TSHZ2: variants seen among roughly 807,000 people sequenced by gnomAD.
TSHZ2 encodes the protein teashirt homolog 2.
Under a neutral mutation model 74.4 loss-of-function variants are expected in TSHZ2, and 21 were observed. The ratio of observed to expected loss-of-function variants is 0.28; its 90% confidence interval spans 0.20 to 0.41. The LOEUF (loss-of-function observed/expected upper bound fraction) is 0.41, where lower values mean the gene tolerates loss of function less well. Among genes scored for constraint, TSHZ2 ranks in the 10% least tolerant of loss-of-function variants. The probability of loss-of-function intolerance (pLI) is 1.00; values close to 1 mark genes in which losing one functional copy is unlikely to be tolerated. For missense variants in TSHZ2, 1,244 were observed against 1,293.5 expected, an observed-to-expected ratio of 0.96 and a Z score of 0.59; for synonymous variants, 540 against 515.3, an observed-to-expected ratio of 1.05 and a Z score of -0.65.
chr20:53,053,141 C>T (rs1168663811), intron 1 of TSHZ2, among the ~76,000 whole-genome samples: 3 of 152,166 alleles, frequency 2.0e-5, no homozygotes, highest in Non-Finnish European at 4.4e-5. Flanking sequence ...CGGAGTTCTA[C>T]GCTATGTGAT....
At chr20:53,231,688 C>T (rs62208279) in intron 1 of TSHZ2, among the ~76,000 whole-genome samples, 2,777 of 152,218 alleles carry the variant, frequency 0.018, 34 homozygotes, top group Middle Eastern at 0.031. Context: ...TAAGAAATCA[C>T]CCAACCCACA....
At chr20:53,467,210 T>C (rs2145827049) in intron 2 of TSHZ2, among the ~76,000 whole-genome samples, 1 of 152,358 alleles carries the variant, frequency 6.6e-6, no homozygotes, top group East Asian at 1.9e-4. Flanking sequence ...TTTTCTCCTT[T>C]TTTATAAAAA....
At chr20:53,413,473 C>G (rs1308799666) in intron 2 of TSHZ2, among the ~76,000 whole-genome samples, 1 of 152,210 alleles carries the variant, frequency 6.6e-6, no homozygotes, top group Non-Finnish European at 1.5e-5. Flanking sequence ...AATCTTAGTT[C>G]TACCACTTGC....
intron 1 of TSHZ2, among the ~76,000 whole-genome samples, chr20:53,048,101 C>G (rs551801265): frequency 2.6e-4 from 40 of 152,148 alleles, no homozygotes; most frequent in Non-Finnish European, 4.4e-5. Context: ...CCTTCCTCTC[C>G]GCTCAACATT....
intron 1 of TSHZ2, among the ~76,000 whole-genome samples, chr20:53,156,398 G>GC (rs1987795788): frequency 6.6e-6 from 1 of 152,134 alleles, no homozygotes; most frequent in Non-Finnish European, 1.5e-5. Context: ...GGTCACATGG[G>GC]CACTTGGGTT....
At chr20:53,148,975 C>T (rs1450191051) in intron 1 of TSHZ2, among the ~76,000 whole-genome samples, 2 of 152,142 alleles carry the variant, frequency 1.3e-5, no homozygotes, top group African/African-American at 4.8e-5. Flanking sequence ...TGGCTAATAT[C>T]CAGAGCACTG....
intron 1 of TSHZ2, among the ~76,000 whole-genome samples, chr20:53,167,071 C>A (rs907211032): frequency 1.3e-5 from 2 of 152,152 alleles, no homozygotes; most frequent in African/African-American, 4.8e-5. Flanking sequence ...GACCTTTCTA[C>A]ACAGAGGAAG....
chr20:53,199,269 G>A (rs958828089), intron 1 of TSHZ2, among the ~76,000 whole-genome samples: 1 of 152,094 alleles, frequency 6.6e-6, no homozygotes, highest in Non-Finnish European at 1.5e-5. Context: ...AGGCCGAGGC[G>A]GGTGGATTGC....
At chr20:53,127,753 C>A (rs1211428687) in intron 1 of TSHZ2, among the ~76,000 whole-genome samples, 1 of 152,140 alleles carries the variant, frequency 6.6e-6, no homozygotes, top group Admixed American at 6.5e-5. Flanking sequence ...GTATTTATAA[C>A]AACTTCATCG....
chr20:53,336,908 C>A (rs1445633803), intron 2 of TSHZ2, among the ~76,000 whole-genome samples: 1 of 151,970 alleles, frequency 6.6e-6, no homozygotes. Context: ...AGTGCATATG[C>A]ATATTTATAT....
intron 1 of TSHZ2, among the ~76,000 whole-genome samples, chr20:53,251,835 A>C (rs1317540803): frequency 6.6e-6 from 1 of 152,182 alleles, no homozygotes; most frequent in African/African-American, 2.4e-5. Flanking sequence ...TCCACTGCTT[A>C]ACCTTTAGCC....
rs545051203 is a variant in TSHZ2 at position 53,011,447 on chromosome 20, T to C, written c.40+38114T>C. 1.6e-3 allele frequency among the ~76,000 whole-genome samples: 237 copies of C among 152,354 alleles called. 1 individual carries two copies. The highest frequency in any genetic ancestry group is 5.5e-3 in the African/African-American group (229 of 41,578). On this transcript the variant is annotated intron_variant, in intron 1 of 2. Coordinates refer to ENST00000371497, the MANE Select transcript of TSHZ2 (RefSeq NM_173485.6). ...TAACAGGACCAACAGTGTTCATTCA[T>C]CTAATCCAACATGATTACATTACTA...
chr20:53,445,487 G>T (rs145825604), intron 2 of TSHZ2, among the ~76,000 whole-genome samples: 1 of 152,214 alleles, frequency 6.6e-6, no homozygotes, highest in South Asian at 2.1e-4. Flanking sequence ...AGTGAGCCAT[G>T]AGCTAGTGGA....
intron 2 of TSHZ2, among the ~76,000 whole-genome samples, chr20:53,386,241 T>C (rs1367703222): frequency 6.6e-6 from 1 of 152,168 alleles, no homozygotes; most frequent in East Asian, 1.9e-4. Flanking sequence ...AGAGAATAAA[T>C]ATGGAAATCA....
intron 1 of TSHZ2, among the ~76,000 whole-genome samples, chr20:53,015,709 G>T (rs541234736): frequency 6.6e-6 from 1 of 152,250 alleles, no homozygotes; most frequent in African/African-American, 2.4e-5. Flanking sequence ...GGAAGAAATG[G>T]AATCAGAATT....
intron 1 of TSHZ2, among the ~76,000 whole-genome samples, chr20:52,983,745 G>A (rs944932332): frequency 1.3e-5 from 2 of 152,264 alleles, no homozygotes; most frequent in Non-Finnish European, 1.5e-5. Flanking sequence ...CCCTTTGTGC[G>A]GTAAATATTG....
intron 2 of TSHZ2, among the ~76,000 whole-genome samples, chr20:53,395,128 G>T (rs1426298658): frequency 6.6e-6 from 1 of 152,124 alleles, no homozygotes; most frequent in African/African-American, 2.4e-5. Context: ...AAAGAATAAG[G>T]ACAGAGCACA....
At chr20:53,399,631 C>G (rs1431349250) in intron 2 of TSHZ2, 2 of 152,102 alleles carry the variant, frequency 1.3e-5, no homozygotes, top group Non-Finnish European at 2.9e-5. Flanking sequence ...TGGCCCCGCA[C>G]CTTTTCAAAT....
chr20:53,139,672 C>G (rs1987339550), intron 1 of TSHZ2, among the ~76,000 whole-genome samples: 1 of 152,160 alleles, frequency 6.6e-6, no homozygotes, highest in Non-Finnish European at 1.5e-5. Context: ...ATGGCAAGGC[C>G]TCAAAAGTGC....
Sources: gnomAD v4.1 joint callset for allele counts (sites outside exome capture counted in the v4.1 genomes callset) on GRCh38, gnomAD v4.1.1 for gene constraint, MANE v1.5 for transcripts, NCBI Gene and HGNC (gene_info 2026-07-23, HGNC 2026-07-21) for gene names.